The following PRKG1 variants were observed in gnomAD, a reference collection of about 807,000 sequenced individuals.
The protein encoded by PRKG1 is cGMP-dependent protein kinase 1.
In PRKG1, 35 loss-of-function variants were observed where a neutral mutation model predicts 88.1. That is an observed-to-expected ratio of 0.40 (90% CI 0.30 to 0.53). PRKG1 has a LOEUF of 0.53. Ranked by LOEUF, PRKG1 falls within the 20% of genes least tolerant of loss-of-function variation. The probability of loss-of-function intolerance (pLI) is 0.59; values close to 1 mark genes in which losing one functional copy is unlikely to be tolerated. For synonymous variants in PRKG1, 303 were observed against 292.5 expected (o/e 1.04, Z -0.37); for missense variants, 540 against 839.8 (o/e 0.64, Z 4.41).
At chr10:51,337,127 C>A (rs965008342) in intron 2 of PRKG1, among the ~76,000 whole-genome samples, 1 of 152,180 alleles carries the variant, frequency 6.6e-6, no homozygotes, top group African/African-American at 2.4e-5. Flanking sequence ...ACCATCCAAT[C>A]TTTGACAAAC....
At chr10:51,289,406 T>C (rs1224730934) in intron 2 of PRKG1, among the ~76,000 whole-genome samples, 4 of 152,210 alleles carry the variant, frequency 2.6e-5, no homozygotes, top group African/African-American at 9.6e-5. Flanking sequence ...TGCTGATGCT[T>C]CCCAGTGAAG....
At chr10:51,779,289 C>G (rs759000174) in intron 3 of PRKG1, among the ~76,000 whole-genome samples, 25 of 152,048 alleles carry the variant, frequency 1.6e-4, no homozygotes, top group Admixed American at 4.6e-4. Context: ...TTCTGTCTTT[C>G]CTGTCCTTTG....
chr10:51,410,905 C>T (rs983094113), intron 2 of PRKG1, among the ~76,000 whole-genome samples: 9 of 151,954 alleles, frequency 5.9e-5, no homozygotes, highest in African/African-American at 2.2e-4. Flanking sequence ...AATGGCTACA[C>T]ATTTATTTTT....
In PRKG1 at chr10:51,628,455, C is replaced by A. The variant is rs146141695; in HGVS notation, c.592+160619C>A. ...TGAGATTACAGGCGTGAGCCACTAC[C>A]CCCAGCCTGGTCTTGTTTTCAGTGG... On this transcript the variant is annotated intron_variant, in intron 3 of 17. Coordinates refer to ENST00000373980, the MANE Select transcript of PRKG1 (RefSeq NM_006258.4). 5.6e-3 allele frequency among the ~76,000 whole-genome samples: 846 copies of A among 151,940 alleles called. 1 individual carries two copies. The highest frequency in any genetic ancestry group is 0.017 in the Middle Eastern group (5 of 292).
upstream of PRKG1, among the ~76,000 whole-genome samples, chr10:51,073,971 T>G (rs2132801735): frequency 6.6e-6 from 1 of 151,980 alleles, no homozygotes; most frequent in African/African-American, 2.4e-5. Flanking sequence ...TGATGCAGAG[T>G]CCCCTATGCC....
At chr10:51,927,954 T>A (rs1308197804) in intron 5 of PRKG1, among the ~76,000 whole-genome samples, 1 of 152,248 alleles carries the variant, frequency 6.6e-6, no homozygotes, top group Non-Finnish European at 1.5e-5. Context: ...AATTATATCA[T>A]GTGCCTTAAG....
rs7903056 is a variant in PRKG1, at chr10:51,051,232, G to T, written c.266+59588G>T. 2.3e-3 allele frequency among the ~76,000 whole-genome samples: 357 copies of T among 152,146 alleles called. 1 individual carries two copies. Among genetic ancestry groups the T allele is most frequent in the African/African-American group, 7.9e-3 (330 of 41,534 alleles). On this transcript the variant is annotated intron_variant, in intron 1 of 17. Coordinates refer to the PRKG1 transcript ENST00000401604. ...TTAATATCACATCCAAGAAATCATTGCCAAGGCCAATGTTAAGAAGATTTT... is the reference window on the plus strand; with the variant it reads ...TTAATATCACATCCAAGAAATCATTTCCAAGGCCAATGTTAAGAAGATTTT...
chr10:51,753,240 T>C (rs1837772088), intron 3 of PRKG1, among the ~76,000 whole-genome samples: 1 of 152,144 alleles, frequency 6.6e-6, no homozygotes, highest in Non-Finnish European at 1.5e-5. Flanking sequence ...AATCATATAA[T>C]GATTAAAATC....
At chr10:52,073,846 A>G (rs1264598515) in intron 7 of PRKG1, among the ~76,000 whole-genome samples, 3 of 152,216 alleles carry the variant, frequency 2.0e-5, no homozygotes, top group African/African-American at 7.2e-5. Context: ...GCATAAAAAA[A>G]TTATACACAC....
rs578017027 is a variant in PRKG1 at position 52,289,765 on chromosome 10, G to A, written c.1896-459G>A. Among the ~76,000 whole-genome samples the A allele has an allele frequency of 1.8e-3, 267 of 152,252 alleles. 2 individuals are homozygous for A. The highest frequency in any genetic ancestry group is 6.1e-3 in the African/African-American group (254 of 41,566). On this transcript the variant is annotated intron_variant, in intron 16 of 17. Coordinates refer to ENST00000373980, the MANE Select transcript of PRKG1 (RefSeq NM_006258.4). ...GGAAAAAAAGAAGAAAATGGGACAT[G>A]TAGAGACTATGACAATGATGTGAAA...
At chr10:51,191,175 C>G (rs192374394) in intron 2 of PRKG1, among the ~76,000 whole-genome samples, 1 of 151,988 alleles carries the variant, frequency 6.6e-6, no homozygotes, top group African/African-American at 2.4e-5. Context: ...CTAAATATAA[C>G]TCTGAGAAAT....
intron 3 of PRKG1, among the ~76,000 whole-genome samples, chr10:51,797,821 C>G (rs1839057402): frequency 6.6e-6 from 1 of 151,642 alleles, no homozygotes; most frequent in African/African-American, 2.4e-5. Flanking sequence ...CTTCCCAGCC[C>G]CCAGTAACTA....
chr10:52,147,101 C>G (rs1335767991), intron 8 of PRKG1, among the ~76,000 whole-genome samples: 1 of 152,088 alleles, frequency 6.6e-6, no homozygotes, highest in African/African-American at 2.4e-5. Flanking sequence ...AAAGAATAAA[C>G]AAATCTGAGA....
At chr10:51,494,039 T>C (rs938492116) in intron 3 of PRKG1, among the ~76,000 whole-genome samples, 1 of 152,172 alleles carries the variant, frequency 6.6e-6, no homozygotes, top group Non-Finnish European at 1.5e-5. Context: ...GCTTATATAT[T>C]GATTGATTTT....
chr10:51,502,447 A>G (rs554994467), intron 3 of PRKG1, among the ~76,000 whole-genome samples: 2 of 152,186 alleles, frequency 1.3e-5, no homozygotes, highest in Admixed American at 1.3e-4. Flanking sequence ...AGAGAGCTGT[A>G]TCTTGAGCTG....
At chr10:52,099,264 T>A (rs74135146) in intron 7 of PRKG1, among the ~76,000 whole-genome samples, 1,643 of 152,238 alleles carry the variant, frequency 0.011, 34 homozygotes, top group African/African-American at 0.036. Flanking sequence ...ATGTATCAAA[T>A]GGAGAGGAAA....
Position 51,922,039 on chromosome 10 carries a change from T to C in PRKG1, c.762+14469T>C, listed in dbSNP as rs553015803. The stretch of plus-strand genomic sequence containing the variant: ...ATTTACCTGTGAATCTATTAGGGCC[T>C]AGTGCCTTCTGTTTGGTAGGTTATT... On this transcript the variant is annotated intron_variant, in intron 5 of 17. Transcript: ENST00000373980. 4.1e-4 allele frequency among the ~76,000 whole-genome samples: 62 copies of C among 152,002 alleles called. 2 individuals carry two copies. The South Asian group carries it at 8.7e-3, about 21-fold the overall frequency.
chr10:51,623,013 C>G (rs1036818621), intron 3 of PRKG1, among the ~76,000 whole-genome samples: 7 of 152,080 alleles, frequency 4.6e-5, no homozygotes, highest in African/African-American at 1.7e-4. Context: ...TTAAAAATAC[C>G]AAAACAATAC....
At chr10:51,809,929 C>T (rs567898177) in intron 4 of PRKG1, among the ~76,000 whole-genome samples, 21 of 152,240 alleles carry the variant, frequency 1.4e-4, no homozygotes, top group African/African-American at 4.8e-4. Context: ...TCCCTTGTCC[C>T]AGTCACAGGT....
Sources: allele counts gnomAD v4.1 joint callset (sites outside exome capture counted in the v4.1 genomes callset), GRCh38; gene constraint gnomAD v4.1.1; transcripts MANE v1.5; gene names NCBI Gene and HGNC (gene_info 2026-07-23, HGNC 2026-07-21).